The following HABP2 variants were observed in gnomAD, a reference collection of about 807,000 sequenced individuals.
The protein encoded by HABP2 is hyaluronan binding protein 2.
Under a neutral mutation model 66.5 loss-of-function variants are expected in HABP2, and 65 were observed. The ratio of observed to expected loss-of-function variants is 0.98; its 90% CI spans 0.80 to 1.20. The LOEUF (loss-of-function observed/expected upper bound fraction) is 1.20. Among genes scored for constraint, HABP2 ranks in the 50% most tolerant of loss-of-function variants. HABP2 has a pLI of 0.00. For synonymous variants in HABP2, 263 were observed against 253.9 expected, an observed-to-expected ratio of 1.04 and a Z score of -0.34; for missense variants, 786 against 691.0, an observed-to-expected ratio of 1.14 and a Z score of -1.54.
upstream of HABP2, chr10:113,552,997 G>A: frequency 1.4e-6 from 1 of 708,396 alleles, no homozygotes; most frequent in South Asian, 1.7e-5. Flanking sequence ...TTGATGCCTA[G>A]TTAATAATTT....
upstream of HABP2, among the ~76,000 whole-genome samples, chr10:113,551,230 C>T (rs1844892695): frequency 6.6e-6 from 1 of 152,156 alleles, no homozygotes; most frequent in South Asian, 2.1e-4. Context: ...AAACAGAGTG[C>T]CTGCTCTCCT....
At chr10:113,578,002 C>G (rs1357554116) in intron 5 of HABP2, 24 bp from the exon 6 acceptor site, 2 of 1,612,648 alleles carry the variant, frequency 1.2e-6, no homozygotes, top group Non-Finnish European at 8.5e-7. Flanking sequence ...AAGAGCCTTC[C>G]TGGCCCCATT....
At chr10:113,561,848 C>A (rs1241388265) in intron 1 of HABP2, among the ~76,000 whole-genome samples, 2 of 152,150 alleles carry the variant, frequency 1.3e-5, no homozygotes, top group Non-Finnish European at 2.9e-5. Flanking sequence ...GAAATAATCA[C>A]TGGATTAAAT....
chr10:113,577,132 G>C lies in HABP2; in HGVS notation c.332-18G>C. The C allele has an allele frequency of 7.3e-7, 1 of 1,375,578 alleles. No homozygotes were observed. Among genetic ancestry groups the C allele is most frequent in the Non-Finnish European group, 1.0e-6 (1 of 962,722 alleles). 85.2% of individuals were successfully genotyped at this position (1,375,578 alleles called of 1,614,324 possible). On this transcript the variant is annotated intron_variant, in intron 4 of 12. Coordinates refer to ENST00000351270, the MANE Select transcript of HABP2 (RefSeq NM_004132.5). ...AAATGTGCCCCAAATAATGTCTTATGTTATGGATCTCCTACAGTGCAAAAT... is the reference window on the plus strand; with the variant it reads ...AAATGTGCCCCAAATAATGTCTTATCTTATGGATCTCCTACAGTGCAAAAT...
intron 7 of HABP2, among the ~76,000 whole-genome samples, chr10:113,579,239 C>A (rs551460155): frequency 4.4e-4 from 67 of 151,174 alleles, no homozygotes; most frequent in Non-Finnish European, 9.0e-4. Flanking sequence ...CAGAGTGAGA[C>A]CCTGTCTCAA....
At chr10:113,559,625 T>C (rs890905499) in intron 1 of HABP2, among the ~76,000 whole-genome samples, 1 of 152,204 alleles carries the variant, frequency 6.6e-6, no homozygotes, top group Non-Finnish European at 1.5e-5. Context: ...ACGCCAAACC[T>C]CTGCGGGTGG....
At chr10:113,579,877 G>A (rs2133776688) in intron 7 of HABP2, among the ~76,000 whole-genome samples, 1 of 152,096 alleles carries the variant, frequency 6.6e-6, no homozygotes, top group East Asian at 1.9e-4. Flanking sequence ...CTGCCTCTCA[G>A]GTTCAAGCAA....
At chr10:113,563,629 G>GCACGT (rs1403350825) in intron 1 of HABP2, among the ~76,000 whole-genome samples, 1 of 152,180 alleles carries the variant, frequency 6.6e-6, no homozygotes, top group Non-Finnish European at 1.5e-5. Context: ...CCTAGGAAGG[G>GCACGT]CACGTCTGCC....
chr10:113,560,600 C>G (rs1845083201), intron 1 of HABP2, among the ~76,000 whole-genome samples: 1 of 152,096 alleles, frequency 6.6e-6, no homozygotes, highest in South Asian at 2.1e-4. Flanking sequence ...TTCACAATAG[C>G]CAAAAGGTGT....
intron 1 of HABP2, among the ~76,000 whole-genome samples, chr10:113,556,768 G>T (rs1460963010): frequency 6.8e-6 from 1 of 147,552 alleles, no homozygotes; most frequent in Non-Finnish European, 1.5e-5. Context: ...GAGTTTCCCA[G>T]ATCCTGCTCC....
Position 113,554,486 on chromosome 10 carries a change from G to A in HABP2, c.69+1296G>A, listed in dbSNP as rs79700118. On this transcript the variant is annotated intron_variant, in intron 1 of 12. Transcript: ENST00000351270. ...TTAGCTCTGTATTAAGTTGCCAAGT[G>A]ACTCACTTCTGAAAGGGTTTTCTTT... Among the ~76,000 whole-genome samples, 945 of 152,276 alleles carry A rather than the reference G, an allele frequency of 6.2e-3. 8 individuals are homozygous for A. The highest frequency in any genetic ancestry group is 0.022 in the African/African-American group (896 of 41,550).
intron 1 of HABP2, among the ~76,000 whole-genome samples, chr10:113,565,585 G>A (rs1442880993): frequency 2.0e-5 from 3 of 152,202 alleles, no homozygotes; most frequent in Non-Finnish European, 4.4e-5. Flanking sequence ...TAATCCATTT[G>A]TAATGGATCC....
At chr10:113,566,334 A>G (rs1185243209) in intron 1 of HABP2, among the ~76,000 whole-genome samples, 1 of 152,276 alleles carries the variant, frequency 6.6e-6, no homozygotes, top group Non-Finnish European at 1.5e-5. Flanking sequence ...TTACAAAAAC[A>G]AAACTGCTAG....
chr10:113,555,836 C>T (rs1391224151), intron 1 of HABP2, among the ~76,000 whole-genome samples: 1 of 152,206 alleles, frequency 6.6e-6, no homozygotes, highest in Admixed American at 6.5e-5. Context: ...TCTGACTCCA[C>T]ATTCATCACA....
In HABP2 at chr10:113,575,962, T is replaced by G; in HGVS notation, c.289T>G (p.Cys97Gly). 6.2e-7 allele frequency: 1 copy of G among 1,611,184 alleles called. No individual in the cohort carries two copies. Among genetic ancestry groups the G allele is most frequent in the Non-Finnish European group, 8.5e-7 (1 of 1,177,294 alleles). The stretch of plus-strand genomic sequence containing the variant: ...CCTCGTCCATGGGAGCACCTTCACA[T>G]GCAGCTGCCTGGCTCCTTTCTCTGG... Reference protein sequence around the residue: ...DCLVHGSTFTCSCLAPFSGNK... With the variant: ...DCLVHGSTFTGSCLAPFSGNK... The change falls in exon 4 of 13, where the codon TGC (cysteine) becomes GGC (glycine). Residue 97 changes from cysteine to glycine, a missense_variant. Physicochemically the swap from Cys to Gly is radical, Grantham distance 159 (BLOSUM62 -3). Coordinates refer to ENST00000351270, the MANE Select transcript of HABP2 (RefSeq NM_004132.5).
At chr10:113,572,618 T>G (rs1462825070) in intron 2 of HABP2, 1 of 417,404 alleles carries the variant, frequency 2.4e-6, no homozygotes, top group Non-Finnish European at 4.7e-6. Flanking sequence ...AAACATTTTT[T>G]TCCTCATTTT....
chr10:113,571,012 G>A (rs1372363342), intron 2 of HABP2, among the ~76,000 whole-genome samples: 1 of 152,228 alleles, frequency 6.6e-6, no homozygotes, highest in Admixed American at 6.5e-5. Context: ...ACAGAGGAAT[G>A]CTCTTGAAAC....
chr10:113,553,846 G>A (rs1044822830), intron 1 of HABP2, among the ~76,000 whole-genome samples: 8 of 152,138 alleles, frequency 5.3e-5, no homozygotes, highest in African/African-American at 1.2e-4. Context: ...AGGACCTTCC[G>A]GAGCAGATGA....
chr10:113,553,501 C>A (rs1228746029), intron 1 of HABP2, among the ~76,000 whole-genome samples: 1 of 152,234 alleles, frequency 6.6e-6, no homozygotes, highest in Non-Finnish European at 1.5e-5. Flanking sequence ...TCATAGACCC[C>A]TTTGAGAAGC....
Sources: allele counts gnomAD v4.1 joint callset (sites outside exome capture counted in the v4.1 genomes callset), GRCh38; gene constraint gnomAD v4.1.1; transcripts MANE v1.5; gene names NCBI Gene and HGNC (gene_info 2026-07-23, HGNC 2026-07-21).